The following ZMAT4 variants were observed in gnomAD, a reference collection of about 807,000 sequenced individuals.
ZMAT4 encodes zinc finger matrin-type 4.
Under a neutral mutation model 28.7 loss-of-function variants are expected in ZMAT4, and 17 were observed. That is an observed-to-expected ratio of 0.59 (90% CI 0.41 to 0.89). The LOEUF is 0.89. Among genes scored for constraint, ZMAT4 ranks in the 40% least tolerant of loss-of-function variants. The pLI, the probability that ZMAT4 is intolerant of heterozygous loss-of-function variation, is 0.00. For missense variants in ZMAT4, 240 were observed against 283.8 expected (o/e 0.85, Z 1.11); for synonymous variants, 117 against 109.2 (o/e 1.07, Z -0.44).
intron 2 of ZMAT4, among the ~76,000 whole-genome samples, chr8:40,788,308 G>A (rs181018003): frequency 7.2e-5 from 11 of 152,316 alleles, no homozygotes; most frequent in East Asian, 3.9e-4. Context: ...AAATAGGCTG[G>A]GCACGGTGGC....
At chr8:40,833,990 A>T (rs754249111) in intron 1 of ZMAT4, among the ~76,000 whole-genome samples, 1 of 152,196 alleles carries the variant, frequency 6.6e-6, no homozygotes, top group East Asian at 1.9e-4. Flanking sequence ...TCCCCACACC[A>T]CTGCCTTCTC....
intron 5 of ZMAT4, among the ~76,000 whole-genome samples, chr8:40,622,879 C>T (rs948268354): frequency 4.6e-5 from 7 of 152,180 alleles, no homozygotes; most frequent in Admixed American, 6.5e-5. Context: ...CAGGTCCAAC[C>T]TCCAACACTG....
chr8:40,747,090 C>T (rs928138882), intron 3 of ZMAT4, among the ~76,000 whole-genome samples: 3 of 152,150 alleles, frequency 2.0e-5, no homozygotes, highest in African/African-American at 7.2e-5. Flanking sequence ...ACTACTTATG[C>T]TATGCCAGAA....
intron 3 of ZMAT4, among the ~76,000 whole-genome samples, chr8:40,747,757 T>C (rs918548263): frequency 1.3e-5 from 2 of 152,142 alleles, no homozygotes; most frequent in Non-Finnish European, 2.9e-5. Context: ...TAATAGATAA[T>C]GAGAGACCAA....
At chr8:40,837,814 A>C (rs1425804998) in intron 1 of ZMAT4, among the ~76,000 whole-genome samples, 1 of 152,190 alleles carries the variant, frequency 6.6e-6, no homozygotes, top group Non-Finnish European at 1.5e-5. Context: ...GTCCTGGTAC[A>C]CGGGCTGGGA....
At chr8:40,666,142 C>T (rs184869444) in intron 5 of ZMAT4, among the ~76,000 whole-genome samples, 230 of 152,294 alleles carry the variant, frequency 1.5e-3, no homozygotes, top group Admixed American at 0.013. Context: ...AAGTAAGAAA[C>T]TGCCTTCTAT....
At chr8:40,595,112 G>A (rs547953870) in intron 5 of ZMAT4, among the ~76,000 whole-genome samples, 1 of 152,236 alleles carries the variant, frequency 6.6e-6, no homozygotes, top group East Asian at 1.9e-4. Context: ...GTAATTGCAC[G>A]TTTTTTATTT....
At chr8:40,584,366 C>A (rs538670786) in intron 5 of ZMAT4, among the ~76,000 whole-genome samples, 4 of 152,048 alleles carry the variant, frequency 2.6e-5, no homozygotes, top group African/African-American at 9.7e-5. Flanking sequence ...CCTCTTTTCC[C>A]GTGTTAAGTG....
intron 2 of ZMAT4, among the ~76,000 whole-genome samples, chr8:40,775,241 T>C (rs1014199534): frequency 2.6e-5 from 4 of 152,152 alleles, no homozygotes; most frequent in Admixed American, 6.5e-5. Flanking sequence ...TCGTGTACAT[T>C]TGAAACATGT....
At chr8:40,636,258 C>T (rs1467690843) in intron 5 of ZMAT4, among the ~76,000 whole-genome samples, 2 of 152,210 alleles carry the variant, frequency 1.3e-5, no homozygotes, top group East Asian at 1.9e-4. Flanking sequence ...GAGAAACTGG[C>T]TTGCACTCAC....
intron 2 of ZMAT4, among the ~76,000 whole-genome samples, chr8:40,794,767 C>A (rs1364253988): frequency 6.6e-6 from 1 of 152,098 alleles, no homozygotes; most frequent in Non-Finnish European, 1.5e-5. Context: ...CAGTTTTCTC[C>A]TCTCTGGGTC....
intron 5 of ZMAT4, among the ~76,000 whole-genome samples, chr8:40,635,294 G>T (rs569655393): frequency 6.6e-6 from 1 of 152,176 alleles, no homozygotes; most frequent in East Asian, 1.9e-4. Flanking sequence ...AATACGAGTG[G>T]GTAGGATAAC....
At chr8:40,543,991 T>C (rs2118391653) in intron 6 of ZMAT4, among the ~76,000 whole-genome samples, 1 of 152,174 alleles carries the variant, frequency 6.6e-6, no homozygotes, top group East Asian at 1.9e-4. Flanking sequence ...CCCTATGCAG[T>C]CAAAAACTGC....
chr8:40,668,468 CAAAAAAAA>C (rs71224843), intron 5 of ZMAT4, among the ~76,000 whole-genome samples: 1 of 85,022 alleles, frequency 1.2e-5, no homozygotes, highest in Admixed American at 1.4e-4. Flanking sequence ...GACTTTGTCT[CAAAAAAAA>C]AAAAAAAAAA....
intron 1 of ZMAT4, among the ~76,000 whole-genome samples, chr8:40,838,347 T>A (rs954340603): frequency 6.6e-6 from 1 of 152,036 alleles, no homozygotes; most frequent in African/African-American, 2.4e-5. Context: ...CTTTTGTTTA[T>A]TTTTTTATTT....
chr8:40,709,985 C>A (rs1284729906), intron 3 of ZMAT4, among the ~76,000 whole-genome samples: 1 of 150,408 alleles, frequency 6.6e-6, no homozygotes, highest in Non-Finnish European at 1.5e-5. Flanking sequence ...TGGCAGTGAG[C>A]CGAGATCGTG....
chr8:40,634,330 G>C (rs1356515836), intron 5 of ZMAT4, among the ~76,000 whole-genome samples: 1 of 152,144 alleles, frequency 6.6e-6, no homozygotes, highest in Non-Finnish European at 1.5e-5. Flanking sequence ...TGTAAGTCTA[G>C]ACAAAGAACC....
At chr8:40,572,984 T>C (rs150185268) in intron 6 of ZMAT4, among the ~76,000 whole-genome samples, 1 of 152,276 alleles carries the variant, frequency 6.6e-6, no homozygotes, top group East Asian at 1.9e-4. Context: ...GTCATTTAAC[T>C]TCTCTGAGAC....
intron 1 of ZMAT4, among the ~76,000 whole-genome samples, chr8:40,845,574 A>G (rs1586157653): frequency 6.6e-6 from 1 of 151,982 alleles, no homozygotes; most frequent in Non-Finnish European, 1.5e-5. Context: ...AAAAAATAAC[A>G]GTGTCCTGTA....
Sources: gnomAD v4.1 joint callset for allele counts (sites outside exome capture counted in the v4.1 genomes callset) on GRCh38, gnomAD v4.1.1 for gene constraint, MANE v1.5 for transcripts, NCBI Gene and HGNC (gene_info 2026-07-23, HGNC 2026-07-21) for gene names.